THEMIS: variants seen among roughly 807,000 people sequenced by gnomAD.
THEMIS encodes protein THEMIS.
In THEMIS, 37 loss-of-function variants were observed where a neutral mutation model predicts 52.6. The observed-to-expected ratio is 0.70, with a 90% confidence interval of 0.54 to 0.93. The LOEUF (loss-of-function observed/expected upper bound fraction) is 0.93, where lower values mean the gene tolerates loss of function less well. Among genes scored for constraint, THEMIS ranks in the 40% least tolerant of loss-of-function variants. The pLI is 0.00. For missense variants in THEMIS, 808 were observed against 763.1 expected (o/e 1.06, Z -0.69); for synonymous variants, 292 against 272.7 (o/e 1.07, Z -0.70).
intron 4 of THEMIS, among the ~76,000 whole-genome samples, chr6:127,765,193 G>A (rs1263172618): frequency 6.6e-6 from 1 of 152,056 alleles, no homozygotes; most frequent in African/African-American, 2.4e-5. Context: ...CGTATATAAA[G>A]TCATTTGAGA....
intron 4 of THEMIS, among the ~76,000 whole-genome samples, chr6:127,775,639 T>TC (rs1776540908): frequency 6.8e-6 from 1 of 147,062 alleles, no homozygotes; most frequent in Non-Finnish European, 1.5e-5. Context: ...ATTTCATGCT[T>TC]TTTTTTTTTT....
At position 127,829,756 on chromosome 6, in the gene THEMIS, C is replaced by G. The variant is rs772433788; in HGVS notation, c.429G>C (p.Glu143Asp). ...AGCTCACCATTATTTCTCCATCAAT[C>G]TCTTCAACTGAGTTGAGCATGATTT... ...GEQIMLNSVEEIDGEIMVSCA... is the reference protein window; with the variant it reads ...GEQIMLNSVEDIDGEIMVSCA... Residue 143 changes from glutamate to aspartate, a missense_variant, in exon 3 of 6, where the codon GAG (glutamate) becomes GAC (aspartate). By Grantham distance (45) the Glu-to-Asp change is conservative (BLOSUM62 2). Coordinates refer to ENST00000368248, the MANE Select transcript of THEMIS (RefSeq NM_001010923.3). The G allele has an allele frequency of 4.3e-6, 7 of 1,614,128 alleles. No homozygotes were observed. The highest frequency in any genetic ancestry group is 1.7e-6 in the Non-Finnish European group (2 of 1,180,008).
intron 1 of THEMIS, among the ~76,000 whole-genome samples, chr6:127,894,778 C>G (rs1175693643): frequency 6.6e-6 from 1 of 151,504 alleles, no homozygotes; most frequent in African/African-American, 2.4e-5. Context: ...GTTAAACCTA[C>G]TTTTAGAAAA....
At chr6:127,707,553 G>A (rs1773829551), downstream of THEMIS, among the ~76,000 whole-genome samples, 1 of 152,152 alleles carries the variant, frequency 6.6e-6, no homozygotes, top group Non-Finnish European at 1.5e-5. Flanking sequence ...GACCACAGCA[G>A]TAGAAGTAGA....
At chr6:127,750,590 T>C (rs921693101) in intron 4 of THEMIS, among the ~76,000 whole-genome samples, 2 of 151,834 alleles carry the variant, frequency 1.3e-5, no homozygotes, top group African/African-American at 4.8e-5. Context: ...GCACAAAACA[T>C]AGTCAAACTA....
chr6:127,727,631 T>G (rs1490488874), intron 4 of THEMIS, among the ~76,000 whole-genome samples: 2 of 152,174 alleles, frequency 1.3e-5, no homozygotes, highest in Non-Finnish European at 2.9e-5. Flanking sequence ...GCAATCTGAT[T>G]TAAAACATTG....
At chr6:127,726,568 AT>A (rs1774554694) in intron 4 of THEMIS, among the ~76,000 whole-genome samples, 1 of 152,152 alleles carries the variant, frequency 6.6e-6, no homozygotes, top group Admixed American at 6.5e-5. Context: ...CAGTACTCAT[AT>A]TTCAGATATA....
intron 4 of THEMIS, among the ~76,000 whole-genome samples, chr6:127,794,004 AAAG>A (rs1777245711): frequency 6.6e-6 from 1 of 152,210 alleles, no homozygotes; most frequent in Non-Finnish European, 1.5e-5. Context: ...TTAAAGCCTA[AAAG>A]AAGATCATTC....
At chr6:127,789,919 C>T (rs1777102073) in intron 4 of THEMIS, among the ~76,000 whole-genome samples, 1 of 152,190 alleles carries the variant, frequency 6.6e-6, no homozygotes, top group Non-Finnish European at 1.5e-5. Context: ...CAGCCAATAT[C>T]ATATTGCATG....
chr6:127,859,030 G>C (rs1007484442), intron 1 of THEMIS, among the ~76,000 whole-genome samples: 12 of 152,082 alleles, frequency 7.9e-5, no homozygotes, highest in Non-Finnish European at 1.5e-5. Context: ...GATCACATCA[G>C]AACAGCCAAA....
At chr6:127,699,246 C>T in the THEMIS span, among the ~76,000 whole-genome samples, 1 of 151,704 alleles carries the variant, frequency 6.6e-6, no homozygotes, top group African/African-American at 2.4e-5. Context: ...TCTACTACTT[C>T]AGATCTTCTA....
intron 3 of THEMIS, among the ~76,000 whole-genome samples, chr6:127,824,728 A>T (rs1001695810): frequency 6.6e-6 from 1 of 151,920 alleles, no homozygotes; most frequent in African/African-American, 2.4e-5. Flanking sequence ...CGATCTCCTG[A>T]CCTCGTGATC....
Position 127,709,111 on chromosome 6 carries a change from G to T in THEMIS, c.*874C>A, listed in dbSNP as rs1459928169. The T allele has an allele frequency of 6.6e-6, 1 of 151,972 alleles. No individual in the cohort carries two copies. Among genetic ancestry groups the T allele is most frequent in the African/African-American group, 2.4e-5 (1 of 41,402 alleles). The allele number at this position is 151,972 out of a possible 1,614,324, so 9.4% of individuals were successfully genotyped here. ...ATTTTTATAGATGGTACAACTATAAGAGCATCATTCTGATGTATACTAATT... is the reference window on the plus strand; with the variant it reads ...ATTTTTATAGATGGTACAACTATAATAGCATCATTCTGATGTATACTAATT... On this transcript the variant is annotated 3_prime_UTR_variant, in exon 6 of 6. Transcript: ENST00000368248.
intron 1 of THEMIS, among the ~76,000 whole-genome samples, chr6:127,907,018 T>C (rs1364393867): frequency 6.6e-6 from 1 of 151,838 alleles, no homozygotes; most frequent in Non-Finnish European, 1.5e-5. Context: ...TATATTATAA[T>C]ATTTCAGTGC....
At chr6:127,898,666 A>G (rs1781044045) in intron 1 of THEMIS, among the ~76,000 whole-genome samples, 2 of 151,908 alleles carry the variant, frequency 1.3e-5, no homozygotes, top group South Asian at 4.1e-4. Context: ...TCAAAAGAAA[A>G]GATATCAATA....
intron 4 of THEMIS, among the ~76,000 whole-genome samples, chr6:127,734,893 A>AAT (rs1774941189): frequency 8.1e-6 from 1 of 124,018 alleles, no homozygotes; most frequent in African/African-American, 3.0e-5. Context: ...AAAAAAAAAA[A>AAT]AAAATATATA....
intron 2 of THEMIS, among the ~76,000 whole-genome samples, chr6:127,845,509 C>A (rs1779183319): frequency 6.6e-6 from 1 of 151,834 alleles, no homozygotes; most frequent in South Asian, 2.1e-4. Context: ...TGAAAACTAA[C>A]AACCTGTAAT....
intron 1 of THEMIS, among the ~76,000 whole-genome samples, chr6:127,900,405 G>A (rs1781100928): frequency 6.6e-6 from 1 of 152,020 alleles, no homozygotes; most frequent in African/African-American, 2.4e-5. Context: ...CAACATTTAG[G>A]AGCTAAAAGT....
intron 4 of THEMIS, among the ~76,000 whole-genome samples, chr6:127,771,883 C>G (rs753430091): frequency 2.6e-5 from 4 of 152,072 alleles, no homozygotes; most frequent in Non-Finnish European, 5.9e-5. Flanking sequence ...CAGTATGGCA[C>G]ATGTGCATCA....
Sources: gnomAD v4.1 joint callset for allele counts (sites outside exome capture counted in the v4.1 genomes callset) on GRCh38, gnomAD v4.1.1 for gene constraint, MANE v1.5 for transcripts, NCBI Gene and HGNC (gene_info 2026-07-23, HGNC 2026-07-21) for gene names.